The following RORA variants were observed in gnomAD, a reference collection of about 807,000 sequenced individuals.
RORA encodes RAR related orphan receptor A.
A neutral mutation model predicts 69.5 loss-of-function variants in RORA; 7 were observed. The ratio of observed to expected loss-of-function variants is 0.10; its 90% CI spans 0.06 to 0.19. The LOEUF is 0.19. Among genes scored for constraint, RORA ranks in the 10% least tolerant of loss-of-function variants. RORA has a pLI of 1.00. For synonymous variants in RORA, 261 were observed against 240.8 expected, an observed-to-expected ratio of 1.08 and a Z score of -0.78; for missense variants, 457 against 663.0, an observed-to-expected ratio of 0.69 and a Z score of 3.41.
intron 1 of RORA, among the ~76,000 whole-genome samples, chr15:60,982,630 C>G (rs554268071): frequency 3.9e-5 from 6 of 152,298 alleles, no homozygotes; most frequent in African/African-American, 1.4e-4. Context: ...TATGCCTGCA[C>G]TGGGAATGTG....
chr15:61,219,272 C>A (rs779397102), intron 1 of RORA, among the ~76,000 whole-genome samples: 33 of 152,320 alleles, frequency 2.2e-4, no homozygotes, highest in Admixed American at 1.2e-3. Context: ...TCAACTTGCA[C>A]ACATCTTAAT....
At chr15:60,996,337 G>C (rs1894533393) in intron 1 of RORA, among the ~76,000 whole-genome samples, 1 of 152,118 alleles carries the variant, frequency 6.6e-6, no homozygotes, top group East Asian at 1.9e-4. Context: ...CTCCCAAAGT[G>C]CTAGGATTAC....
chr15:61,166,270 C>A (rs1435032454), intron 1 of RORA, among the ~76,000 whole-genome samples: 1 of 152,114 alleles, frequency 6.6e-6, no homozygotes. Flanking sequence ...ATTAAACTGA[C>A]CAGTTTCTAC....
At chr15:60,693,768 A>C (rs1465743915) in intron 1 of RORA, among the ~76,000 whole-genome samples, 1 of 152,230 alleles carries the variant, frequency 6.6e-6, no homozygotes, top group Non-Finnish European at 1.5e-5. Context: ...GGAGAACTAC[A>C]AACCACTGCC....
intron 1 of RORA, among the ~76,000 whole-genome samples, chr15:60,948,347 A>G (rs1020762741): frequency 6.6e-6 from 1 of 152,238 alleles, no homozygotes; most frequent in Non-Finnish European, 1.5e-5. Flanking sequence ...ATCCATTTAG[A>G]AGAAATAAAT....
chr15:61,148,908 C>A (rs1016330311), intron 1 of RORA, among the ~76,000 whole-genome samples: 1 of 152,126 alleles, frequency 6.6e-6, no homozygotes, highest in African/African-American at 2.4e-5. Context: ...GCCTAAAAAG[C>A]GTGTGGACTG....
chr15:60,775,870 T>TG (rs1325436098), intron 1 of RORA, among the ~76,000 whole-genome samples: 1 of 152,206 alleles, frequency 6.6e-6, no homozygotes, highest in Non-Finnish European at 1.5e-5. Flanking sequence ...CTTTCATGGC[T>TG]GGGTCATTAT....
intron 8 of RORA, among the ~76,000 whole-genome samples, chr15:60,502,165 G>T (rs902488082): frequency 6.6e-6 from 1 of 152,146 alleles, no homozygotes; most frequent in South Asian, 2.1e-4. Context: ...ATTTTTAGTA[G>T]AGATGGGCTT....
At chr15:60,774,304 G>A (rs957579804) in intron 1 of RORA, among the ~76,000 whole-genome samples, 5 of 152,168 alleles carry the variant, frequency 3.3e-5, no homozygotes, top group East Asian at 1.9e-4. Context: ...GATATTCATC[G>A]TCAAATCTGT....
chr15:60,988,689 T>C (rs1218186198), intron 1 of RORA, among the ~76,000 whole-genome samples: 3 of 151,878 alleles, frequency 2.0e-5, no homozygotes, highest in African/African-American at 7.3e-5. Context: ...TTCCCACCCC[T>C]CCAAAGACTC....
Position 60,861,416 on chromosome 15 carries a change from G to A in RORA, c.167-182730C>T, listed in dbSNP as rs76104790. Among the ~76,000 whole-genome samples the A allele has an allele frequency of 3.2e-3, 486 of 152,298 alleles. 5 individuals carry two copies. The highest frequency in any genetic ancestry group is 0.011 in the African/African-American group (461 of 41,560). The stretch of plus-strand genomic sequence containing the variant: ...TCATTGGGTCCTCAGAGTAACCCTG[G>A]AGGTAGCTGGTGGCTCACCAGTGTG... On this transcript the variant is annotated intron_variant, in intron 1 of 10. Transcript: ENST00000335670.
intron 1 of RORA, among the ~76,000 whole-genome samples, chr15:60,793,905 C>T: frequency 6.6e-6 from 1 of 152,202 alleles, no homozygotes; most frequent in East Asian, 1.9e-4. Context: ...GCCTCAGTGC[C>T]TCTGTGATTC....
At chr15:61,116,099 C>G (rs1341705878) in intron 1 of RORA, among the ~76,000 whole-genome samples, 1 of 152,158 alleles carries the variant, frequency 6.6e-6, no homozygotes, top group Non-Finnish European at 1.5e-5. Context: ...AAAAACACCA[C>G]TGTTCTTGAC....
chr15:60,544,119 T>C lies in RORA; in HGVS notation c.197-12268A>G, dbSNP rs146837496. The stretch of plus-strand genomic sequence containing the variant: ...GTGAGCAAAATTCACCAAATGCCTG[T>C]AACGCTTTGTGACCCTCTTTCTCCA... On this transcript the variant is annotated intron_variant, in intron 2 of 10. Coordinates refer to ENST00000335670, the MANE Select transcript of RORA (RefSeq NM_134261.3). 1.2e-3 allele frequency among the ~76,000 whole-genome samples: 188 copies of C among 152,294 alleles called. 2 individuals carry two copies. The highest frequency in any genetic ancestry group is 4.3e-3 in the African/African-American group (177 of 41,552).
chr15:60,644,167 A>C (rs1322059317), intron 2 of RORA, among the ~76,000 whole-genome samples: 1 of 152,206 alleles, frequency 6.6e-6, no homozygotes, highest in African/African-American at 2.4e-5. Context: ...AGGCAGCATG[A>C]GGGAGAGGAG....
chr15:60,927,593 T>C (rs867180573), intron 1 of RORA, among the ~76,000 whole-genome samples: 4 of 152,024 alleles, frequency 2.6e-5, no homozygotes, highest in Non-Finnish European at 4.4e-5. Context: ...GCCAACATGG[T>C]GAAACCCCAT....
At chr15:60,938,908 A>G (rs1445391146) in intron 1 of RORA, among the ~76,000 whole-genome samples, 2 of 152,236 alleles carry the variant, frequency 1.3e-5, no homozygotes, top group Non-Finnish European at 2.9e-5. Context: ...TGAATTAAAT[A>G]AAAAGGCACT....
At chr15:61,211,306 A>G (rs1034487817) in intron 1 of RORA, among the ~76,000 whole-genome samples, 1 of 145,144 alleles carries the variant, frequency 6.9e-6, no homozygotes, top group Non-Finnish European at 1.5e-5. Flanking sequence ...AAAAAAAAGG[A>G]TCATCACAGA....
intron 2 of RORA, among the ~76,000 whole-genome samples, chr15:60,592,044 A>G (rs1477308408): frequency 6.6e-6 from 1 of 151,324 alleles, no homozygotes; most frequent in Non-Finnish European, 1.5e-5. Flanking sequence ...AACTCCGCAG[A>G]CCCTCCCCTT....
Sources: allele counts gnomAD v4.1 joint callset (sites outside exome capture counted in the v4.1 genomes callset), GRCh38; gene constraint gnomAD v4.1.1; transcripts MANE v1.5; gene names NCBI Gene and HGNC (gene_info 2026-07-23, HGNC 2026-07-21).